CEP128: variants seen among roughly 807,000 people sequenced by gnomAD.
CEP128 encodes centrosomal protein 128, also known as centrosomal protein 128kDa.
A neutral mutation model predicts 156.7 loss-of-function variants in CEP128; 132 were observed. The observed-to-expected ratio is 0.84, with a 90% CI of 0.73 to 0.97. The LOEUF is 0.97. CEP128 is among the 50% of genes least tolerant of loss of function. The pLI is 0.00. For missense variants in CEP128, 1,252 were observed against 1,281.9 expected (o/e 0.98, Z 0.36); for synonymous variants, 469 against 448.9 (o/e 1.04, Z -0.57).
intron 24 of CEP128, among the ~76,000 whole-genome samples, chr14:80,504,223 G>C (rs1022147736): frequency 1.3e-5 from 2 of 152,050 alleles, no homozygotes; most frequent in Non-Finnish European, 2.9e-5. Flanking sequence ...CTACTATATA[G>C]AGTGCCAAGG....
chr14:80,577,642 G>A (rs1357483021), intron 20 of CEP128, among the ~76,000 whole-genome samples: 1 of 151,968 alleles, frequency 6.6e-6, no homozygotes, highest in Non-Finnish European at 1.5e-5. Context: ...CTGCTTAATT[G>A]GTCTCCCTGA....
chr14:80,842,976 T>C (rs1253583673), intron 9 of CEP128, among the ~76,000 whole-genome samples: 1 of 151,946 alleles, frequency 6.6e-6, no homozygotes, highest in African/African-American at 2.4e-5. Flanking sequence ...AAGTGTGTCA[T>C]ATCGTGTATT....
intron 19 of CEP128, among the ~76,000 whole-genome samples, chr14:80,715,027 A>G (rs1897552483): frequency 1.3e-5 from 2 of 152,130 alleles, no homozygotes; most frequent in African/African-American, 4.8e-5. Flanking sequence ...GTCTGGGACC[A>G]GCCTGGGCAA....
chr14:80,930,881 C>A (rs765152438), intron 2 of CEP128, among the ~76,000 whole-genome samples: 1 of 152,210 alleles, frequency 6.6e-6, no homozygotes, highest in Non-Finnish European at 1.5e-5. Context: ...GACCTGCTTG[C>A]TGCTAAGGAC....
chr14:80,800,931 G>T (rs998448541), intron 13 of CEP128, among the ~76,000 whole-genome samples: 1 of 152,122 alleles, frequency 6.6e-6, no homozygotes, highest in African/African-American at 2.4e-5. Flanking sequence ...GAAGAGAAAT[G>T]AAACATGAGA....
chr14:80,578,270 T>C (rs12434405), intron 20 of CEP128, among the ~76,000 whole-genome samples: 21,946 of 152,124 alleles, frequency 0.14, 1,667 homozygotes, highest in South Asian at 0.25. Flanking sequence ...GAATTGGTGC[T>C]TGATAAGGGT....
chr14:80,846,531 C>T (rs553788744), intron 9 of CEP128, among the ~76,000 whole-genome samples: 2 of 152,046 alleles, frequency 1.3e-5, no homozygotes, highest in African/African-American at 4.8e-5. Flanking sequence ...AATTGATCAA[C>T]CCCGGAAGGC....
intron 23 of CEP128, among the ~76,000 whole-genome samples, chr14:80,505,485 T>C (rs1887929828): frequency 6.6e-6 from 1 of 152,224 alleles, no homozygotes; most frequent in African/African-American, 2.4e-5. Context: ...ACCTTTTCCA[T>C]ATTTAGGACT....
intron 2 of CEP128, chr14:80,955,875 T>G (rs936164112): frequency 6.2e-7 from 1 of 1,613,998 alleles, no homozygotes. Context: ...GAGATCAGGG[T>G]AGGACCCAGA....
At chr14:80,880,332 A>G (rs1389994115) in intron 8 of CEP128, among the ~76,000 whole-genome samples, 1 of 152,172 alleles carries the variant, frequency 6.6e-6, no homozygotes, top group Non-Finnish European at 1.5e-5. Context: ...AAGTTCCTCA[A>G]CATAATAAAA....
chr14:80,905,947 G>C lies in CEP128; in HGVS notation c.361+8C>G. The C allele has an allele frequency of 6.2e-7, 1 of 1,608,672 alleles. No individual in the cohort carries two copies. Among genetic ancestry groups the C allele is most frequent in the East Asian group, 2.2e-5 (1 of 44,746 alleles). ...TTTAATGTTTTTCAGAACATTTGAA[G>C]TGTTTACCTGACCCAGTGCCACCAT... is the stretch of plus-strand genomic sequence containing the variant. On this transcript the variant is annotated splice_region_variant and intron_variant, in intron 5 of 24. Coordinates refer to ENST00000555265, the MANE Select transcript of CEP128 (RefSeq NM_152446.5).
At chr14:80,710,878 A>G (rs1897377224) in intron 19 of CEP128, among the ~76,000 whole-genome samples, 1 of 152,174 alleles carries the variant, frequency 6.6e-6, no homozygotes, top group African/African-American at 2.4e-5. Flanking sequence ...GAAATAAACC[A>G]TCTGATATTC....
chr14:80,790,458 TAA>T (rs1441890716), intron 14 of CEP128, among the ~76,000 whole-genome samples: 1 of 152,106 alleles, frequency 6.6e-6, no homozygotes, highest in Non-Finnish European at 1.5e-5. Context: ...TTTGTATCTA[TAA>T]AGTTTTCAGT....
chr14:80,771,376 T>C (rs992046160), intron 16 of CEP128, among the ~76,000 whole-genome samples: 9 of 152,210 alleles, frequency 5.9e-5, no homozygotes, highest in Non-Finnish European at 1.0e-4. Context: ...AGTCACTATA[T>C]TCTCTCAACT....
At position 80,899,970 on chromosome 14, in the gene CEP128, A is replaced by G. The variant is rs756003288; in HGVS notation, c.540T>C (p.Asp180=). The change falls in exon 7 of 25, where the codon GAT becomes GAC. Residue 180 remains aspartate, a synonymous_variant. Transcript: ENST00000555265. The part of the protein sequence containing the change: ...DLSSEQIRLG[D]DFNRELSRRS... ...TTCTGGAAAGCTCCCTGTTGAAATC[A>G]TCTCCAAGGCGAATTTGTTCACTGC... 4 of 1,613,854 alleles carry G rather than the reference A, an allele frequency of 2.5e-6. No individual in the cohort carries two copies. Among genetic ancestry groups the G allele is most frequent in the East Asian group, 4.5e-5 (2 of 44,850 alleles).
chr14:80,824,148 G>A (rs1386352007), intron 13 of CEP128, among the ~76,000 whole-genome samples: 3 of 152,216 alleles, frequency 2.0e-5, no homozygotes, highest in Non-Finnish European at 4.4e-5. Flanking sequence ...TTCAGCCACG[G>A]CTGGAGCAGC....
chr14:80,530,730 T>C, intron 22 of CEP128, 79 bp downstream of exon 22: 2 of 1,013,408 alleles, frequency 2.0e-6, no homozygotes, highest in Non-Finnish European at 2.9e-6. Context: ...TTTTCTATAC[T>C]TTTCTTTGCA....
intron 8 of CEP128, among the ~76,000 whole-genome samples, chr14:80,871,148 G>A (rs749188947): frequency 7.2e-5 from 11 of 152,122 alleles, no homozygotes; most frequent in Middle Eastern, 3.4e-3. Flanking sequence ...GCCACATAAC[G>A]TAGGCACTAT....
At chr14:80,490,036 T>G (rs1230860809), downstream of CEP128, among the ~76,000 whole-genome samples, 1 of 152,166 alleles carries the variant, frequency 6.6e-6, no homozygotes, top group Non-Finnish European at 1.5e-5. Context: ...GGGTAGGTTT[T>G]CATTTAGTCC....
Sources: gnomAD v4.1 joint callset for allele counts (sites outside exome capture counted in the v4.1 genomes callset) on GRCh38, gnomAD v4.1.1 for gene constraint, MANE v1.5 for transcripts, NCBI Gene and HGNC (gene_info 2026-07-23, HGNC 2026-07-21) for gene names.